Variants in ZBTB44 observed in about 807,000 individuals in gnomAD.
ZBTB44 encodes the protein zinc finger and BTB domain-containing protein 44.
ZBTB44 carries 15 observed loss-of-function variants against 54.0 expected under a neutral mutation model. The observed-to-expected ratio is 0.28, with a 90% CI of 0.19 to 0.43. The LOEUF is 0.43. Among genes scored for constraint, ZBTB44 ranks in the 20% least tolerant of loss-of-function variants. The probability of loss-of-function intolerance (pLI) is 1.00; values close to 1 mark genes in which losing one functional copy is unlikely to be tolerated. For missense variants in ZBTB44, 487 were observed against 707.1 expected (o/e 0.69, Z 3.53); for synonymous variants, 230 against 250.1 (o/e 0.92, Z 0.76).
intron 5 of ZBTB44, among the ~76,000 whole-genome samples, 180 bp from the exon 6 acceptor site, chr11:130,234,453 A>G (rs1448032593): frequency 6.6e-6 from 1 of 152,216 alleles, no homozygotes; most frequent in African/African-American, 2.4e-5. Context: ...GAACCAAAAC[A>G]TCCATTAAAA....
intron 1 of ZBTB44, among the ~76,000 whole-genome samples, chr11:130,303,428 G>C (rs1237380599): frequency 2.6e-5 from 4 of 152,340 alleles, no homozygotes; most frequent in South Asian, 2.1e-4. Context: ...CTGAGGCTGG[G>C]AGTTCAAGAC....
At chr11:130,234,034 T>C (rs963068742) in intron 6 of ZBTB44, 122 bp downstream of exon 6, 7 of 1,526,574 alleles carry the variant, frequency 4.6e-6, no homozygotes, top group African/African-American at 1.4e-5. Flanking sequence ...TGGGGGGTCA[T>C]CTCTGGTTGC....
At chr11:130,311,728 T>C (rs1942618259) in intron 1 of ZBTB44, among the ~76,000 whole-genome samples, 1 of 152,188 alleles carries the variant, frequency 6.6e-6, no homozygotes, top group Admixed American at 6.5e-5. Context: ...AGAACTTGGT[T>C]TCTATATACG....
intron 1 of ZBTB44, among the ~76,000 whole-genome samples, chr11:130,290,372 G>A (rs938167287): frequency 5.3e-5 from 8 of 152,172 alleles, no homozygotes; most frequent in Admixed American, 1.3e-4. Context: ...AAATTACTTC[G>A]TTGTTTTAAG....
Position 130,295,713 on chromosome 11 carries a change from G to C in ZBTB44, c.-57+18662C>G, listed in dbSNP as rs1238942444. ...ACTTCTGGAAGGCAGGGATCTTCTA[G>C]CAGCTGCAAAAACAGGCAGTGGTAA... On this transcript the variant is annotated intron_variant, in intron 1 of 7. Coordinates refer to ENST00000357899, the MANE Select transcript of ZBTB44 (RefSeq NM_001301098.2). 2.6e-6 allele frequency: 4 copies of C among 1,526,586 alleles called. No individual in the cohort carries two copies. The African/African-American group carries it at 5.5e-5, about 21-fold the overall frequency. 94.6% of individuals were successfully genotyped at this position (1,526,586 alleles called of 1,614,324 possible).
chr11:130,300,932 A>AT (rs1941954190), intron 1 of ZBTB44, among the ~76,000 whole-genome samples: 1 of 152,130 alleles, frequency 6.6e-6, no homozygotes, highest in Admixed American at 6.5e-5. Flanking sequence ...GAGGATACTG[A>AT]TTTTTTACAG....
chr11:130,293,727 C>T (rs1032620714), intron 1 of ZBTB44, among the ~76,000 whole-genome samples: 4 of 151,726 alleles, frequency 2.6e-5, no homozygotes, highest in Non-Finnish European at 4.4e-5. Context: ...ACCTGGGAGG[C>T]GGAGGTTGCC....
At chr11:130,268,054 G>C (rs1331155627) in intron 1 of ZBTB44, among the ~76,000 whole-genome samples, 1 of 147,230 alleles carries the variant, frequency 6.8e-6, no homozygotes, top group Non-Finnish European at 1.5e-5. Flanking sequence ...GGGTGACAGA[G>C]TGAGACTCTG....
chr11:130,266,332 T>G (rs1353123163), intron 1 of ZBTB44, among the ~76,000 whole-genome samples: 1 of 152,228 alleles, frequency 6.6e-6, no homozygotes, highest in African/African-American at 2.4e-5. Flanking sequence ...ATTACTGCTT[T>G]CCAACAGTGC....
At chr11:130,238,818 G>A (rs1954228953) in intron 3 of ZBTB44, 3 of 498,920 alleles carry the variant, frequency 6.0e-6, no homozygotes, top group East Asian at 3.8e-5. Flanking sequence ...TTTTTGAGAC[G>A]GAGTTAGGCA....
intron 3 of ZBTB44, 66 bp from the exon 4 acceptor site, chr11:130,238,673 G>C (rs534438552): frequency 7.2e-7 from 1 of 1,389,084 alleles, no homozygotes; most frequent in Non-Finnish European, 9.5e-7. Context: ...CACTGCTATA[G>C]GTCAATTTTA....
chr11:130,291,433 G>A (rs113444566), intron 1 of ZBTB44, among the ~76,000 whole-genome samples: 3,573 of 152,170 alleles, frequency 0.023, 118 homozygotes, highest in Admixed American at 0.094. Flanking sequence ...CACCGCGCCC[G>A]GCCAGCCTTC....
At chr11:130,236,760 T>C (rs1367906861) in intron 5 of ZBTB44, 33 bp downstream of exon 5, 19 of 1,323,480 alleles carry the variant, frequency 1.4e-5, no homozygotes, top group Non-Finnish European at 1.7e-5. Context: ...TAGAAAGCAG[T>C]TTTCCTGGTT....
At chr11:130,238,320 T>C (rs749038489) in intron 4 of ZBTB44, 124 bp downstream of exon 4, 11 of 1,249,896 alleles carry the variant, frequency 8.8e-6, no homozygotes, top group Non-Finnish European at 1.2e-5. Context: ...GCTAATCTGT[T>C]TTCATTTGAC....
In ZBTB44 at chr11:130,300,945, T is replaced by C. The variant is rs548401951; in HGVS notation, c.-57+13430A>G. Among the ~76,000 whole-genome samples the C allele has an allele frequency of 2.6e-5, 4 of 152,224 alleles. No homozygotes were observed. In the South Asian group the frequency reaches 6.2e-4, roughly 24 times the overall value. ...GCGAGGATACTGATTTTTTACAGAA[T>C]GGACAAGCTAGAAAATGTTTTTTTC... is the stretch of plus-strand genomic sequence containing the variant. On this transcript the variant is annotated intron_variant, in intron 1 of 7. Transcript: ENST00000357899.
chr11:130,233,168 G>A (rs1953946667), intron 7 of ZBTB44, 140 bp downstream of exon 7: 1 of 1,119,868 alleles, frequency 8.9e-7, no homozygotes, highest in East Asian at 2.6e-5. Context: ...ATATATGCAA[G>A]AGAACATATT....
chr11:130,247,981 G>T (rs1937666121), intron 2 of ZBTB44, among the ~76,000 whole-genome samples: 1 of 152,014 alleles, frequency 6.6e-6, no homozygotes, highest in Non-Finnish European at 1.5e-5. Context: ...CTTTCCATGG[G>T]CAAGTGGAAA....
chr11:130,294,393 C>G (rs1941500024), intron 1 of ZBTB44, among the ~76,000 whole-genome samples: 1 of 151,582 alleles, frequency 6.6e-6, no homozygotes, highest in Non-Finnish European at 1.5e-5. Context: ...GCCTGGGTGA[C>G]AGAGAGAGAC....
chr11:130,239,602 T>C (rs1265291396), intron 3 of ZBTB44: 3 of 374,606 alleles, frequency 8.0e-6, no homozygotes, highest in Non-Finnish European at 9.9e-6. Flanking sequence ...TTTAAAGCAA[T>C]GGGACTAGGT....
Sources: allele counts gnomAD v4.1 joint callset (sites outside exome capture counted in the v4.1 genomes callset), GRCh38; gene constraint gnomAD v4.1.1; transcripts MANE v1.5; gene names NCBI Gene and HGNC (gene_info 2026-07-23, HGNC 2026-07-21).